Variants in SLIT1 observed in about 807,000 individuals in gnomAD.
SLIT1 encodes slit guidance ligand 1.
A neutral mutation model predicts 186.1 loss-of-function variants in SLIT1; 66 were observed. That is an observed-to-expected ratio of 0.35 (90% confidence interval 0.29 to 0.44). SLIT1 has a LOEUF of 0.44. Ranked by LOEUF, SLIT1 falls within the 20% of genes least tolerant of loss-of-function variation. The pLI is 1.00. For synonymous variants in SLIT1, 761 were observed against 833.8 expected (o/e 0.91, Z 1.50); for missense variants, 1,638 against 2,037.4 (o/e 0.80, Z 3.77).
chr10:97,127,132 A>G (rs1465318626), intron 4 of SLIT1, among the ~76,000 whole-genome samples: 2 of 151,614 alleles, frequency 1.3e-5, no homozygotes, highest in African/African-American at 4.8e-5. Flanking sequence ...CTACTAAAAA[A>G]AAAACAAAAA....
chr10:97,054,988 C>CCG (rs1848823786), intron 13 of SLIT1, among the ~76,000 whole-genome samples: 2 of 152,086 alleles, frequency 1.3e-5, no homozygotes, highest in Non-Finnish European at 2.9e-5. Flanking sequence ...GAGGCCGAGG[C>CCG]AGGTGGATCA....
At chr10:97,095,053 C>G (rs920934245) in intron 4 of SLIT1, among the ~76,000 whole-genome samples, 2 of 152,182 alleles carry the variant, frequency 1.3e-5, no homozygotes, top group African/African-American at 4.8e-5. Context: ...GAGGCCGAGG[C>G]AGGTGGATCA....
intron 3 of SLIT1, among the ~76,000 whole-genome samples, chr10:97,158,932 G>A (rs899377361): frequency 4.6e-5 from 7 of 151,960 alleles, no homozygotes; most frequent in African/African-American, 1.2e-4. Flanking sequence ...AACACTTGGG[G>A]AGGCTGAATG....
chr10:97,184,032 AC>A lies in SLIT1; in HGVS notation c.197+1445del, dbSNP rs1487736854. 6.6e-6 allele frequency among the ~76,000 whole-genome samples: 1 copy of A among 150,554 alleles called. No homozygotes were observed. The highest frequency in any genetic ancestry group is 1.5e-5 in the Non-Finnish European group (1 of 67,492). Reference sequence around the variant, plus strand: ...ATACACATGCACCACACACACACACACACACACACACACACACACACACACA... The same window carrying A: ...ATACACATGCACCACACACACACACAACACACACACACACACACACACACA... On this transcript the variant is annotated intron_variant, in intron 1 of 36. Coordinates refer to ENST00000266058, the MANE Select transcript of SLIT1 (RefSeq NM_003061.3). This position sits in a 1 kb window ranked among gnomAD's most constrained non-coding sequence, Gnocchi z 4.4.
At chr10:97,115,614 C>A (rs551040981) in intron 4 of SLIT1, among the ~76,000 whole-genome samples, 3 of 152,058 alleles carry the variant, frequency 2.0e-5, no homozygotes, top group Non-Finnish European at 2.9e-5. Context: ...TGGAAGAGCC[C>A]TGGGCATCCT....
At chr10:97,085,554 A>T (rs1355314498) in intron 4 of SLIT1, among the ~76,000 whole-genome samples, 2 of 151,560 alleles carry the variant, frequency 1.3e-5, no homozygotes, top group Non-Finnish European at 2.9e-5. Context: ...CACCCAGCTA[A>T]TTTTTGTATT....
chr10:97,152,952 A>G (rs1033582429), intron 4 of SLIT1: 1 of 152,206 alleles, frequency 6.6e-6, no homozygotes, highest in South Asian at 2.1e-4. Context: ...CATTTACTTC[A>G]TCATGCCCCC....
intron 4 of SLIT1, among the ~76,000 whole-genome samples, chr10:97,073,674 AC>A (rs1849021158): frequency 6.6e-6 from 1 of 152,122 alleles, no homozygotes; most frequent in Non-Finnish European, 1.5e-5. Context: ...TCCAGGGAGC[AC>A]TCACGGAGAG....
intron 4 of SLIT1, among the ~76,000 whole-genome samples, chr10:97,140,782 G>C (rs111890002): frequency 6.6e-6 from 1 of 152,170 alleles, no homozygotes; most frequent in African/African-American, 2.4e-5. Context: ...TAAACCTCCT[G>C]TGTCTCTTTA....
At chr10:97,148,102 T>C (rs1849836906) in intron 4 of SLIT1, among the ~76,000 whole-genome samples, 1 of 152,202 alleles carries the variant, frequency 6.6e-6, no homozygotes, top group Non-Finnish European at 1.5e-5. Flanking sequence ...TGCCAACAAC[T>C]AGCTATGCAA....
chr10:97,047,331 G>A (rs1179145738), intron 16 of SLIT1, among the ~76,000 whole-genome samples: 1 of 152,208 alleles, frequency 6.6e-6, no homozygotes, highest in East Asian at 1.9e-4. Context: ...AGACATATGT[G>A]TACACAAATT....
chr10:97,077,711 G>A (rs902220078), intron 4 of SLIT1, among the ~76,000 whole-genome samples: 1 of 152,144 alleles, frequency 6.6e-6, no homozygotes, highest in African/African-American at 2.4e-5. Flanking sequence ...AGAAATGACT[G>A]CTCCCTCTCC....
rs1214673048 is a variant in SLIT1 at position 96,998,857 on chromosome 10, A to AG, written c.*2254dup. ...CCTCCCAGCCCCATGGCGCCAGGTG[A>AG]GGGGTGAGCATCACCTGTCTACAGG... On this transcript the variant is annotated 3_prime_UTR_variant, in exon 37 of 37. Transcript: ENST00000266058. 4 of 152,190 alleles carry AG rather than the reference A, an allele frequency of 2.6e-5. No homozygotes were observed. The East Asian group carries it at 5.8e-4, about 22-fold the overall frequency. 9.4% of individuals were successfully genotyped at this position (152,190 alleles called of 1,614,324 possible).
chr10:97,165,550 T>C (rs756270923), intron 1 of SLIT1, among the ~76,000 whole-genome samples: 18 of 152,046 alleles, frequency 1.2e-4, no homozygotes, highest in Non-Finnish European at 2.4e-4. Flanking sequence ...ACATCAGGCC[T>C]AGAGTAGCTG....
intron 4 of SLIT1, among the ~76,000 whole-genome samples, chr10:97,081,901 C>T (rs903191790): frequency 2.0e-5 from 3 of 152,214 alleles, no homozygotes; most frequent in African/African-American, 7.2e-5. Context: ...TCCCAGCCAC[C>T]TTCAACCTGA....
rs571360499 is a variant in SLIT1, at chr10:97,047,809, G to A, written c.1515C>T (p.Ser505=). 42 of 1,613,926 alleles carry A rather than the reference G, an allele frequency of 2.6e-5. No homozygotes were observed. Among genetic ancestry groups the A allele is most frequent in the Non-Finnish European group, 3.5e-5 (41 of 1,179,978 alleles). ...GACAGACCACGTCGCTGTTGCACTC[G>A]CTGTTCAGCTGGTAATCCTCCGTGC... ...IPGTEDYQLN[S]ECNSDVVCPH... is the part of the protein sequence containing the mutation. The change falls in exon 16 of 37, where the codon AGC becomes AGT. Residue 505 remains serine (S), a synonymous_variant. Transcript: ENST00000266058.
At chr10:97,061,728 G>C (rs1485354211) in intron 8 of SLIT1, among the ~76,000 whole-genome samples, 1 of 152,328 alleles carries the variant, frequency 6.6e-6, no homozygotes, top group East Asian at 1.9e-4. Flanking sequence ...TATGGAAAAA[G>C]CTGCCTTTAA....
chr10:97,069,265 AT>A (rs895990742), intron 4 of SLIT1, among the ~76,000 whole-genome samples: 2 of 152,220 alleles, frequency 1.3e-5, no homozygotes, highest in Admixed American at 1.3e-4. Flanking sequence ...GGAGCCCAAC[AT>A]GAAACCAAAC....
At position 97,091,006 on chromosome 10, in the gene SLIT1, G is replaced by C. The variant is rs1176037386; in HGVS notation, c.414-24920C>G. Among the ~76,000 whole-genome samples the C allele has an allele frequency of 3.3e-5, 5 of 152,334 alleles. No homozygotes were observed. The East Asian group carries it at 9.6e-4, about 29-fold the overall frequency. ...TTGTTCAATGTCACAGGCAGTGCTG[G>C]AGGAAAAACTACTTTGTGATACACT... On this transcript the variant is annotated intron_variant, in intron 4 of 36. Coordinates refer to ENST00000266058, the MANE Select transcript of SLIT1 (RefSeq NM_003061.3).
Sources: gnomAD v4.1 joint callset for allele counts (sites outside exome capture counted in the v4.1 genomes callset) on GRCh38, gnomAD v4.1.1 for gene constraint, Gnocchi (gnomAD v3.1) non-coding constraint, MANE v1.5 for transcripts, NCBI Gene and HGNC (gene_info 2026-07-23, HGNC 2026-07-21) for gene names.